The following CHDH variants were observed in gnomAD, a reference collection of about 807,000 sequenced individuals.
The protein encoded by CHDH is choline dehydrogenase, mitochondrial.
CHDH carries 43 observed loss-of-function variants against 56.9 expected under a neutral mutation model. That is an observed-to-expected ratio of 0.76 (90% CI 0.59 to 0.97). CHDH has a LOEUF of 0.97. Ranked by LOEUF, CHDH falls within the 50% of genes least tolerant of loss-of-function variation. CHDH has a pLI of 0.00. For missense variants in CHDH, 816 were observed against 821.1 expected (o/e 0.99, Z 0.08); for synonymous variants, 364 against 348.5 (o/e 1.04, Z -0.50).
chr3:53,823,484 C>T lies in CHDH; in HGVS notation c.525G>A (p.Leu175=). 6.5e-7 allele frequency: 1 copy of T among 1,545,416 alleles called. No homozygotes were observed. The highest frequency in any genetic ancestry group is 8.7e-7 in the Non-Finnish European group (1 of 1,146,282). The change falls in exon 3 of 9, where the codon CTG becomes CTA. Residue 175 remains leucine (L), a synonymous_variant. Transcript: ENST00000315251. ...CGGCGCCCCGGTACCGGCTGGCGCC[C>T]AGCTCGTGGCCCTGCGCCTTGCGGA... The part of the protein sequence containing the change: ...PYFRKAQGHE[L]GASRYRGADG...
Position 53,823,937 on chromosome 3 carries a change from G to C in CHDH, c.72C>G (p.Ser24=). The C allele has an allele frequency of 1.9e-6, 3 of 1,539,246 alleles. No homozygotes were observed. The highest frequency in any genetic ancestry group is 2.6e-6 in the Non-Finnish European group (3 of 1,150,526). The change falls in exon 3 of 9, where the codon TCC becomes TCG. Residue 24 remains serine, a synonymous_variant. Coordinates refer to ENST00000315251, the MANE Select transcript of CHDH (RefSeq NM_018397.5). ...LARGALGQQQ[S]LGARALASAG... is the part of the protein sequence containing the mutation. ...CGCTGGCCAGGGCCCGGGCACCCAGGGATTGCTGCTGCCCCAGGGCTCCCC... is the reference window on the plus strand; with the variant it reads ...CGCTGGCCAGGGCCCGGGCACCCAGCGATTGCTGCTGCCCCAGGGCTCCCC...
chr3:53,836,701 T>C (rs1698507516), intron 2 of CHDH, among the ~76,000 whole-genome samples: 1 of 152,230 alleles, frequency 6.6e-6, no homozygotes, highest in African/African-American at 2.4e-5. Flanking sequence ...AGGGGACACA[T>C]GCAGGGGATG....
chr3:53,845,594 C>G (rs1473736231), intron 1 of CHDH, among the ~76,000 whole-genome samples: 1 of 152,152 alleles, frequency 6.6e-6, no homozygotes, highest in African/African-American at 2.4e-5. Context: ...AAAGGATGGT[C>G]CCTGGGCCAC....
At chr3:53,838,126 A>C (rs1698560591) in intron 2 of CHDH, among the ~76,000 whole-genome samples, 1 of 151,244 alleles carries the variant, frequency 6.6e-6, no homozygotes, top group Non-Finnish European at 1.5e-5. Flanking sequence ...ACACCCAGGC[A>C]AGGGTGGGGG....
At chr3:53,823,260 G>A (rs1220091592) in intron 3 of CHDH, 46 bp downstream of exon 3, 1 of 1,430,410 alleles carries the variant, frequency 7.0e-7, no homozygotes, top group Non-Finnish European at 9.2e-7. Context: ...GGTGGGGGCT[G>A]GGGTAGGGGG....
intron 2 of CHDH, among the ~76,000 whole-genome samples, chr3:53,839,640 AAAC>A: frequency 6.6e-6 from 1 of 152,356 alleles, no homozygotes; most frequent in African/African-American, 2.4e-5. Flanking sequence ...CCACTGTGGA[AAAC>A]AATATGGAGA....
chr3:53,841,584 C>G (rs1018269704), intron 1 of CHDH, among the ~76,000 whole-genome samples: 2 of 152,194 alleles, frequency 1.3e-5, no homozygotes, highest in African/African-American at 4.8e-5. Context: ...ACACACATGC[C>G]CACTGCTGTT....
rs1321882436 is a variant in CHDH at position 53,814,661 on chromosome 3, T to G, written c.*3116A>C. The G allele has an allele frequency of 6.6e-6, 1 of 151,698 alleles. No homozygotes were observed. Among genetic ancestry groups the G allele is most frequent in the Admixed American group, 6.6e-5 (1 of 15,172 alleles). The allele number at this position is 151,698 out of a possible 1,614,324, so 9.4% of individuals were successfully genotyped here. A position where few individuals can be genotyped will look rare whatever the true frequency, so the allele number is the denominator to read the frequency against. On this transcript the variant is annotated 3_prime_UTR_variant, in exon 9 of 9. Coordinates refer to ENST00000315251, the MANE Select transcript of CHDH (RefSeq NM_018397.5). ...CATGGTTGGGTGGAGAAGAATCTGT[T>G]TTTTTGTTGTTTTTTTTTGAGACAG...
chr3:53,816,131 A>T lies in CHDH; in HGVS notation c.*1646T>A, dbSNP rs1345450697. ...CAGAAAACTAACTTGTGGCTGTCGG[A>T]CGCCCCCCCCCCCCGCCCCAGTCTG... On this transcript the variant is annotated 3_prime_UTR_variant, in exon 9 of 9. Transcript: ENST00000315251. The T allele has an allele frequency of 1.3e-4, 11 of 86,996 alleles. No homozygotes were observed. Among genetic ancestry groups the T allele is most frequent in the South Asian group, 3.9e-4 (1 of 2,558 alleles). 5.4% of individuals were successfully genotyped at this position (86,996 alleles called of 1,614,324 possible).
chr3:53,818,898 C>T (rs771623550), intron 8 of CHDH, 40 bp downstream of exon 8: 11 of 1,254,466 alleles, frequency 8.8e-6, no homozygotes, highest in African/African-American at 4.4e-5. Context: ...CAAAGGCATT[C>T]GTTTGTTCAA....
At chr3:53,823,192 TCTGCCCATGCCTC>T in intron 3 of CHDH, 101 bp downstream of exon 3, 2 of 980,286 alleles carry the variant, frequency 2.0e-6, no homozygotes, top group Non-Finnish European at 2.9e-6. Context: ...CCAGCCTCAG[TCTGCCCATGCCTC>T]CTGACCATGC....
At position 53,822,534 on chromosome 3, in the gene CHDH, C is replaced by T. The variant is rs199725115; in HGVS notation, c.812G>A (p.Arg271His). 22 of 1,613,522 alleles carry T rather than the reference C, an allele frequency of 1.4e-5. No homozygotes were observed. Among genetic ancestry groups the T allele is most frequent in the East Asian group, 8.9e-5 (4 of 44,884 alleles). The stretch of plus-strand genomic sequence containing the variant: ...CTTGACATACTCCACGCCCACTGCA[C>T]GGGTGCCCTCAAATAGCACCCTGCT... ...LVSRVLFEGT[R>H]AVGVEYVKNG... Residue 271 changes from arginine to histidine, a missense_variant, in exon 4 of 9, where the codon CGT (arginine) becomes CAT (histidine). By Grantham distance (29) the Arg-to-His change is conservative. Transcript: ENST00000315251.
Position 53,822,483 on chromosome 3 carries a change from C to G in CHDH, c.855+8G>C, listed in dbSNP as rs550289317. On this transcript the variant is annotated splice_region_variant and intron_variant, in intron 4 of 8. Transcript: ENST00000315251. Reference sequence around the variant, plus strand: ...CTTCTTCCAGGACCCCAGCTGCAGTCCACTCACCCTGTGGCTCTGGCCATT... The same window carrying G: ...CTTCTTCCAGGACCCCAGCTGCAGTGCACTCACCCTGTGGCTCTGGCCATT... 3.7e-6 allele frequency: 6 copies of G among 1,604,180 alleles called. No homozygotes were observed. In the African/African-American group the frequency reaches 8.0e-5, roughly 21 times the overall value.
chr3:53,822,790 G>A, intron 3 of CHDH, 148 bp from the exon 4 acceptor site: 1 of 1,057,092 alleles, frequency 9.5e-7, no homozygotes, highest in Non-Finnish European at 1.3e-6. Context: ...GAAAGACCCT[G>A]CAAGACCCTG....
In CHDH at chr3:53,832,359, A is replaced by G. The variant is rs1004238871; in HGVS notation, c.-59-8292T>C. On this transcript the variant is annotated intron_variant, in intron 2 of 8. Transcript: ENST00000315251. ...ATCCTGGATAACATGGTGAAACCCC[A>G]TCTCTACTAAAAATACAAAAAAATT... Among the ~76,000 whole-genome samples the G allele has an allele frequency of 2.2e-4, 34 of 152,102 alleles. No individual in the cohort carries two copies. The East Asian group carries it at 4.4e-3, about 20-fold the overall frequency.
chr3:53,821,009 C>T (rs1182567017), intron 5 of CHDH, among the ~76,000 whole-genome samples: 1 of 152,238 alleles, frequency 6.6e-6, no homozygotes, highest in Non-Finnish European at 1.5e-5. Flanking sequence ...AAGGAGGAAG[C>T]AGCCCTGTCG....
intron 2 of CHDH, among the ~76,000 whole-genome samples, chr3:53,829,037 C>T (rs1317927750): frequency 1.3e-5 from 2 of 152,164 alleles, no homozygotes; most frequent in African/African-American, 4.8e-5. Context: ...AACTGTGGTA[C>T]ATCCTGACAA....
intron 1 of CHDH, among the ~76,000 whole-genome samples, chr3:53,843,599 G>T (rs1361249305): frequency 6.6e-6 from 1 of 152,064 alleles, no homozygotes; most frequent in Non-Finnish European, 1.5e-5. Flanking sequence ...CCCCTGGGTG[G>T]GCAGGCTCAG....
chr3:53,830,023 ATAAACT>A (rs1407713523), intron 2 of CHDH, among the ~76,000 whole-genome samples: 1 of 152,232 alleles, frequency 6.6e-6, no homozygotes, highest in Admixed American at 6.5e-5. Flanking sequence ...ATACTTAGTA[ATAAACT>A]TAAAATATAT....
Sources: allele counts gnomAD v4.1 joint callset (sites outside exome capture counted in the v4.1 genomes callset), GRCh38; gene constraint gnomAD v4.1.1; transcripts MANE v1.5; gene names NCBI Gene and HGNC (gene_info 2026-07-23, HGNC 2026-07-21).